Variants in PLCG2 observed in about 807,000 individuals in gnomAD.
PLCG2 encodes phospholipase C gamma 2, also known as 1-phosphatidylinositol 4,5-bisphosphate phosphodiesterase gamma-2.
In PLCG2, 69 loss-of-function variants were observed where a neutral mutation model predicts 175.6. The observed-to-expected ratio is 0.39, with a 90% confidence interval of 0.32 to 0.48. PLCG2 has a LOEUF of 0.48. Ranked by LOEUF, PLCG2 falls within the 20% of genes least tolerant of loss-of-function variation. PLCG2 has a pLI of 0.91. For missense variants in PLCG2, 1,798 were observed against 1,650.9 expected, an observed-to-expected ratio of 1.09 and a Z score of -1.54; for synonymous variants, 827 against 624.0, an observed-to-expected ratio of 1.33 and a Z score of -4.85.
intron 2 of PLCG2, among the ~76,000 whole-genome samples, chr16:81,821,393 T>C (rs931183435): frequency 2.0e-5 from 3 of 152,198 alleles, no homozygotes; most frequent in African/African-American, 7.2e-5. Context: ...TTGAATAATA[T>C]GAGTGAATGA....
intron 2 of PLCG2, among the ~76,000 whole-genome samples, chr16:81,853,344 A>ATG (rs1567499187): frequency 2.7e-5 from 4 of 150,526 alleles, no homozygotes; most frequent in Admixed American, 2.6e-4. Flanking sequence ...AAAAAAAAAC[A>ATG]AAACAACAAA....
At chr16:81,776,083 C>CGTTCTTTCTTTCCTTCTTTCTTTCTT (rs1413572575), upstream of PLCG2, among the ~76,000 whole-genome samples, 3 of 81,950 alleles carry the variant, frequency 3.7e-5, 1 homozygote, top group East Asian at 1.2e-3. Context: ...TTCTCTCTCT[C>CGTTCTTTCTTTCCTTCTTTCTTTCTT]TCTCTCTTTC....
chr16:81,881,824 G>C (rs1053172133), intron 8 of PLCG2, among the ~76,000 whole-genome samples: 1 of 130,822 alleles, frequency 7.6e-6, no homozygotes, highest in Non-Finnish European at 1.7e-5. Flanking sequence ...TTTTTTTTTT[G>C]TATTTTTGGT....
intron 9 of PLCG2, among the ~76,000 whole-genome samples, chr16:81,886,405 T>G (rs1298492489): frequency 6.6e-6 from 1 of 152,196 alleles, no homozygotes; most frequent in Non-Finnish European, 1.5e-5. Flanking sequence ...GTGTGCAAAT[T>G]AGTATGCCTT....
At chr16:81,827,511 T>G (rs2143366252) in intron 2 of PLCG2, among the ~76,000 whole-genome samples, 1 of 152,230 alleles carries the variant, frequency 6.6e-6, no homozygotes, top group East Asian at 1.9e-4. Context: ...TTTAAAATCC[T>G]ACTTCCTCTG....
chr16:81,954,456 C>T (rs1045393770), intron 31 of PLCG2, among the ~76,000 whole-genome samples: 1 of 152,142 alleles, frequency 6.6e-6, no homozygotes, highest in Non-Finnish European at 1.5e-5. Context: ...GTTTGCTGTA[C>T]TCGTCAACCT....
At chr16:81,770,398 T>C (rs996617696) in intron 2 of PLCG2, among the ~76,000 whole-genome samples, 3 of 152,192 alleles carry the variant, frequency 2.0e-5, no homozygotes, top group Non-Finnish European at 4.4e-5. Flanking sequence ...CATGTGAACA[T>C]ATTGAACAGC....
chr16:81,835,844 C>T (rs74383491), intron 2 of PLCG2, among the ~76,000 whole-genome samples: 8,901 of 152,096 alleles, frequency 0.059, 342 homozygotes, highest in Non-Finnish European at 0.084. Context: ...CTGCTGGTGA[C>T]CCTGGGTGTC....
chr16:81,791,695 G>C (rs899415826), intron 2 of PLCG2, among the ~76,000 whole-genome samples: 1 of 152,186 alleles, frequency 6.6e-6, no homozygotes, highest in Non-Finnish European at 1.5e-5. Flanking sequence ...CCCCCGAGTA[G>C]CTGGGATTAC....
chr16:81,870,934 C>A lies in PLCG2; in HGVS notation c.647C>A (p.Ser216Ter). 1 of 1,532,830 alleles carries A rather than the reference C, an allele frequency of 6.5e-7. No homozygotes were observed. The highest frequency in any genetic ancestry group is 9.0e-7 in the Non-Finnish European group (1 of 1,112,430). 95.0% of individuals were successfully genotyped at this position (1,532,830 alleles called of 1,614,324 possible). The change falls in exon 7 of 33, where the codon TCG (serine) becomes TAG (stop). Residue 216 changes from serine (S) to a stop codon, truncating the protein, a stop_gained and splice_region_variant. Coordinates refer to ENST00000564138, the MANE Select transcript of PLCG2 (RefSeq NM_002661.5). LOFTEE classifies it high-confidence loss of function. ...YKKLMFEQQK[S>*]ILDEFKKDSS... is the part of the protein sequence containing the mutation. The stretch of plus-strand genomic sequence containing the variant: ...AAACTTATGTTTGAACAGCAAAAAT[C>A]GGTAAGATGATTCTTGAGCAAGTGA...
rs1184205282 is a variant in PLCG2 at position 81,872,682 on chromosome 16, A to G, written c.648+1747A>G. On this transcript the variant is annotated intron_variant, in intron 7 of 32. Coordinates refer to ENST00000564138, the MANE Select transcript of PLCG2 (RefSeq NM_002661.5). ...AGGAAAGGGCTTTGCAGACTGCAAA[A>G]GAGTTCCCAGAGAAAGGTGTGAGGG... Among the ~76,000 whole-genome samples, 3 of 152,338 alleles carry G rather than the reference A, an allele frequency of 2.0e-5. No individual in the cohort carries two copies. The South Asian group carries it at 6.2e-4, about 32-fold the overall frequency.
intron 1 of PLCG2, among the ~76,000 whole-genome samples, chr16:81,753,294 T>A (rs1341725615): frequency 6.7e-6 from 1 of 149,936 alleles, no homozygotes; most frequent in Non-Finnish European, 1.5e-5. Context: ...TCCACATTGG[T>A]CATTGGTGGG....
At chr16:81,824,393 C>T (rs1423987164) in intron 2 of PLCG2, among the ~76,000 whole-genome samples, 2 of 152,192 alleles carry the variant, frequency 1.3e-5, no homozygotes, top group South Asian at 2.1e-4. Context: ...CTCAACCTCC[C>T]AAAGTGCTGG....
intron 2 of PLCG2, among the ~76,000 whole-genome samples, chr16:81,817,698 C>T (rs545096791): frequency 6.6e-6 from 1 of 152,348 alleles, no homozygotes; most frequent in Admixed American, 6.5e-5. Context: ...GTTGCCCAGG[C>T]TGGTCTAAAA....
upstream of PLCG2, among the ~76,000 whole-genome samples, chr16:81,778,906 C>T (rs1010209626): frequency 6.6e-6 from 1 of 152,252 alleles, no homozygotes; most frequent in Non-Finnish European, 1.5e-5. Context: ...GACGATCCTC[C>T]CGTCTAGGCT....
intron 7 of PLCG2, 126 bp downstream of exon 7, chr16:81,871,061 G>A: frequency 1.8e-6 from 1 of 562,012 alleles, no homozygotes; most frequent in Non-Finnish European, 3.1e-6. Flanking sequence ...AAACATAAAT[G>A]AGAATGATGA....
At chr16:81,788,067 G>C (rs8063637) in intron 2 of PLCG2, among the ~76,000 whole-genome samples, 101,927 of 152,014 alleles carry the variant, frequency 0.67, 34,752 homozygotes, top group East Asian at 0.86. Flanking sequence ...GTTTTTATTT[G>C]TTTTGGGTAT....
chr16:81,959,311 G>A lies in PLCG2; in HGVS notation c.*1313G>A, dbSNP rs1597158797. On this transcript the variant is annotated 3_prime_UTR_variant, in exon 33 of 33. Transcript: ENST00000564138. The stretch of plus-strand genomic sequence containing the variant: ...CCTCCTCTTGTTACCCGAAATGCTG[G>A]GCTTAGTATGCATGTACTGCTGAAA... 4.5e-6 allele frequency: 1 copy of A among 222,928 alleles called. No individual in the cohort carries two copies. The highest frequency in any genetic ancestry group is 6.5e-5 in the East Asian group (1 of 15,362). The allele number at this position is 222,928 out of a possible 1,614,324, so 13.8% of individuals were successfully genotyped here.
rs568714860 is a variant in PLCG2 at position 81,941,617 on chromosome 16, C to G, written c.3481+1558C>G. 2.4e-4 allele frequency among the ~76,000 whole-genome samples: 35 copies of G among 148,646 alleles called. No homozygotes were observed. The South Asian group carries it at 7.4e-3, about 31-fold the overall frequency. Reference sequence around the variant, plus strand: ...GTTCATTTTCATGAACATTGCTACTCTAGCAATAATAATGAGTATTCATTT... The same window carrying G: ...GTTCATTTTCATGAACATTGCTACTGTAGCAATAATAATGAGTATTCATTT... On this transcript the variant is annotated intron_variant, in intron 30 of 32. Coordinates refer to ENST00000564138, the MANE Select transcript of PLCG2 (RefSeq NM_002661.5).
Sources: gnomAD v4.1 joint callset for allele counts (sites outside exome capture counted in the v4.1 genomes callset) on GRCh38, gnomAD v4.1.1 for gene constraint, MANE v1.5 for transcripts, NCBI Gene and HGNC (gene_info 2026-07-23, HGNC 2026-07-21) for gene names.